Variants in ZNF423 observed in about 807,000 individuals in gnomAD.
The protein encoded by ZNF423 is Ebf-associated zinc finger protein.
ZNF423 carries 12 observed loss-of-function variants against 95.8 expected under a neutral mutation model. The ratio of observed to expected loss-of-function variants is 0.13; its 90% CI spans 0.08 to 0.20. The LOEUF is 0.20. ZNF423 is among the 10% of genes least tolerant of loss of function. The probability of loss-of-function intolerance (pLI) is 1.00; values close to 1 mark genes in which losing one functional copy is unlikely to be tolerated. For synonymous variants in ZNF423, 749 were observed against 711.9 expected, an observed-to-expected ratio of 1.05 and a Z score of -0.83; for missense variants, 1,316 against 1,737.1, an observed-to-expected ratio of 0.76 and a Z score of 4.31.
At chr16:49,632,509 G>A (rs1265480702) in intron 4 of ZNF423, among the ~76,000 whole-genome samples, 5 of 152,110 alleles carry the variant, frequency 3.3e-5, no homozygotes, top group Non-Finnish European at 5.9e-5. Flanking sequence ...CCTCCAGGCA[G>A]GCAGAGCCAT....
intron 5 of ZNF423, among the ~76,000 whole-genome samples, chr16:49,545,311 G>A (rs1035094733): frequency 9.9e-5 from 15 of 152,204 alleles, no homozygotes; most frequent in African/African-American, 3.6e-4. Context: ...CTGACTCCTT[G>A]TCCAGTGCTC....
intron 5 of ZNF423, among the ~76,000 whole-genome samples, chr16:49,624,341 A>G (rs1042883638): frequency 6.6e-6 from 1 of 152,200 alleles, no homozygotes; most frequent in African/African-American, 2.4e-5. Flanking sequence ...ACTTGAGGTC[A>G]GGAGTTTGAG....
intron 3 of ZNF423, among the ~76,000 whole-genome samples, chr16:49,687,693 T>C (rs765944404): frequency 6.6e-6 from 1 of 152,266 alleles, no homozygotes; most frequent in Non-Finnish European, 1.5e-5. Context: ...CTCCGAGTCA[T>C]GTGGAGAGAG....
At chr16:49,696,007 C>T (rs2031956252) in intron 3 of ZNF423, among the ~76,000 whole-genome samples, 2 of 152,186 alleles carry the variant, frequency 1.3e-5, no homozygotes, top group Non-Finnish European at 2.9e-5. Flanking sequence ...GTCATAAAGT[C>T]TGCAAGTGCT....
intron 3 of ZNF423, among the ~76,000 whole-genome samples, chr16:49,646,064 T>C (rs1335133885): frequency 6.6e-6 from 1 of 152,206 alleles, no homozygotes; most frequent in Non-Finnish European, 1.5e-5. Context: ...TGTTGGAGTC[T>C]GGAGAGGAAT....
intron 1 of ZNF423, among the ~76,000 whole-genome samples, chr16:49,832,848 G>A (rs1034084389): frequency 2.0e-5 from 3 of 151,940 alleles, no homozygotes; most frequent in East Asian, 1.9e-4. Context: ...AGCCTGAAAC[G>A]GGGACCTTGA....
chr16:49,594,251 C>T (rs79103131), intron 5 of ZNF423, among the ~76,000 whole-genome samples: 6,346 of 152,148 alleles, frequency 0.042, 494 homozygotes, highest in African/African-American at 0.15. Flanking sequence ...CCCTCCCATG[C>T]GCCATCCCCT....
At chr16:49,715,428 C>T (rs764088419) in intron 3 of ZNF423, among the ~76,000 whole-genome samples, 12 of 152,158 alleles carry the variant, frequency 7.9e-5, no homozygotes, top group East Asian at 1.9e-4. Context: ...GGAATGAGCA[C>T]GGCCTGTTGA....
At chr16:49,819,455 T>C (rs1357847275) in intron 1 of ZNF423, among the ~76,000 whole-genome samples, 1 of 151,764 alleles carries the variant, frequency 6.6e-6, no homozygotes, top group Non-Finnish European at 1.5e-5. Context: ...TCCACGAGTA[T>C]CTTTTTTTTT....
chr16:49,820,258 G>A (rs2034921703), intron 1 of ZNF423, among the ~76,000 whole-genome samples: 1 of 152,196 alleles, frequency 6.6e-6, no homozygotes, highest in African/African-American at 2.4e-5. Context: ...TGACCTGCTA[G>A]AGCATGAACC....
chr16:49,542,385 T>G (rs909540497), intron 5 of ZNF423, among the ~76,000 whole-genome samples: 1 of 152,238 alleles, frequency 6.6e-6, no homozygotes, highest in African/African-American at 2.4e-5. Context: ...GCTTGATGCA[T>G]AGGATTGAGT....
intron 3 of ZNF423, among the ~76,000 whole-genome samples, chr16:49,727,047 G>A (rs543590219): frequency 2.6e-5 from 4 of 152,184 alleles, no homozygotes; most frequent in African/African-American, 7.2e-5. Flanking sequence ...ACATCAGGGC[G>A]GGAGAATGAA....
At chr16:49,504,095 A>C (rs369365306) in intron 7 of ZNF423, among the ~76,000 whole-genome samples, 1 of 152,158 alleles carries the variant, frequency 6.6e-6, no homozygotes, top group African/African-American at 2.4e-5. Flanking sequence ...GGGGGCTGGG[A>C]AAAGGGGAAA....
At chr16:49,672,033 G>A (rs893772799) in intron 3 of ZNF423, among the ~76,000 whole-genome samples, 45 of 152,076 alleles carry the variant, frequency 3.0e-4, no homozygotes, top group African/African-American at 9.2e-4. Flanking sequence ...AACCCAAACC[G>A]TCAGATGTGG....
chr16:49,498,861 T>C (rs780713571), intron 7 of ZNF423, among the ~76,000 whole-genome samples: 3 of 152,206 alleles, frequency 2.0e-5, no homozygotes, highest in Non-Finnish European at 2.9e-5. Context: ...TAAAGGCTCA[T>C]ATGTTCGCTA....
At chr16:49,742,257 A>C (rs913185198) in intron 2 of ZNF423, among the ~76,000 whole-genome samples, 1 of 152,078 alleles carries the variant, frequency 6.6e-6, no homozygotes, top group Admixed American at 6.6e-5. Flanking sequence ...AGCTTCCCCA[A>C]CCTCACAGAC....
At chr16:49,854,687 G>A (rs1186839183) in intron 1 of ZNF423, 1 of 985,354 alleles carries the variant, frequency 1.0e-6, no homozygotes, top group African/African-American at 1.7e-5. Context: ...GCCTGGAAAG[G>A]CCAGCCGCGG....
At chr16:49,532,534 G>C (rs779013942) in intron 5 of ZNF423, among the ~76,000 whole-genome samples, 29 of 152,210 alleles carry the variant, frequency 1.9e-4, no homozygotes, top group Non-Finnish European at 4.0e-4. Context: ...AGCTCTGGCA[G>C]CCTGAACCGG....
At chr16:49,810,493 G>A (rs1426056450) in intron 1 of ZNF423, among the ~76,000 whole-genome samples, 1 of 152,028 alleles carries the variant, frequency 6.6e-6, no homozygotes, top group African/African-American at 2.4e-5. Flanking sequence ...CCTCTCTGAG[G>A]GCCCGACTCA....
Sources: allele counts gnomAD v4.1 joint callset (sites outside exome capture counted in the v4.1 genomes callset), GRCh38; gene constraint gnomAD v4.1.1; transcripts MANE v1.5; gene names NCBI Gene and HGNC (gene_info 2026-07-23, HGNC 2026-07-21).